TENM3: variants seen among roughly 807,000 people sequenced by gnomAD.
TENM3 encodes the protein teneurin-3.
TENM3 carries 63 observed loss-of-function variants against 255.1 expected under a neutral mutation model. That is an observed-to-expected ratio of 0.25 (90% CI 0.20 to 0.30). The LOEUF is 0.30. TENM3 is among the 10% of genes least tolerant of loss of function. The pLI, the probability that TENM3 is intolerant of heterozygous loss-of-function variation, is 1.00. For missense variants in TENM3, 2,929 were observed against 3,461.1 expected, an observed-to-expected ratio of 0.85 and a Z score of 3.86; for synonymous variants, 1,306 against 1,322.3, an observed-to-expected ratio of 0.99 and a Z score of 0.27.
the TENM3 span, among the ~76,000 whole-genome samples, chr4:181,613,705 T>C: frequency 7.9e-5 from 12 of 152,200 alleles, no homozygotes; most frequent in African/African-American, 2.9e-4. Flanking sequence ...AAGCTTAGAA[T>C]CATGTTGATT....
rs1417806386 is a variant in TENM3, at chr4:182,518,253, C to G, written c.512-82671C>G. ...AAGGTGACTGTGATAGGCAGAATTC[C>G]AAGATGGCCCCCAAGATTCCCACCC... On this transcript the variant is annotated intron_variant, in intron 3 of 27. Coordinates refer to ENST00000511685, the MANE Select transcript of TENM3 (RefSeq NM_001080477.4). 3.9e-5 allele frequency among the ~76,000 whole-genome samples: 6 copies of G among 151,932 alleles called. No individual in the cohort carries two copies. The South Asian group carries it at 1.2e-3, about 32-fold the overall frequency.
the TENM3 span, among the ~76,000 whole-genome samples, chr4:182,017,466 T>G: frequency 6.6e-6 from 1 of 152,236 alleles, no homozygotes; most frequent in East Asian, 1.9e-4. Context: ...ATATTATACT[T>G]GTATATAATG....
At chr4:182,342,772 G>A (rs763485895) in intron 2 of TENM3, among the ~76,000 whole-genome samples, 1 of 152,204 alleles carries the variant, frequency 6.6e-6, no homozygotes, top group East Asian at 1.9e-4. Context: ...GGGTGCTTTC[G>A]TCATCCTATG....
the TENM3 span, among the ~76,000 whole-genome samples, chr4:181,494,524 G>A: frequency 6.6e-6 from 1 of 152,056 alleles, no homozygotes; most frequent in African/African-American, 2.4e-5. Context: ...GACCTCAGGC[G>A]ATCCACCCGC....
chr4:181,923,827 T>C, the TENM3 span, among the ~76,000 whole-genome samples: 2 of 152,144 alleles, frequency 1.3e-5, no homozygotes, highest in Admixed American at 6.6e-5. Flanking sequence ...TAATTTTTAA[T>C]ATATGGAGGT....
At chr4:182,753,178 G>C (rs1057413940) in intron 20 of TENM3, among the ~76,000 whole-genome samples, 46 of 152,088 alleles carry the variant, frequency 3.0e-4, no homozygotes, top group African/African-American at 1.0e-3. Context: ...GAACTCCTGA[G>C]CTCAGGCAGT....
intron 1 of TENM3, among the ~76,000 whole-genome samples, chr4:182,216,868 C>G (rs1755504896): frequency 1.3e-5 from 2 of 152,102 alleles, no homozygotes; most frequent in African/African-American, 2.4e-5. Context: ...CAATGGCAGA[C>G]TTGCATTCTA....
At chr4:181,651,384 G>A in the TENM3 span, among the ~76,000 whole-genome samples, 1 of 152,268 alleles carries the variant, frequency 6.6e-6, no homozygotes, top group East Asian at 1.9e-4. Flanking sequence ...TGGATCACCT[G>A]AGGTCAGGAG....
chr4:181,618,630 A>G, the TENM3 span, among the ~76,000 whole-genome samples: 2 of 152,180 alleles, frequency 1.3e-5, no homozygotes, highest in African/African-American at 4.8e-5. Context: ...CATCCTACGA[A>G]TATTTTCATT....
At chr4:181,889,388 C>T in the TENM3 span, among the ~76,000 whole-genome samples, 6 of 152,154 alleles carry the variant, frequency 3.9e-5, no homozygotes, top group Non-Finnish European at 7.3e-5. Flanking sequence ...TCACCAGAAG[C>T]AGATGCTGGC....
At chr4:182,765,939 G>T (rs1763682956) in intron 22 of TENM3, among the ~76,000 whole-genome samples, 1 of 152,126 alleles carries the variant, frequency 6.6e-6, no homozygotes, top group Non-Finnish European at 1.5e-5. Context: ...TATGCATATT[G>T]CATATTGCAT....
the TENM3 span, among the ~76,000 whole-genome samples, chr4:182,105,466 A>G: frequency 3.7e-4 from 56 of 152,340 alleles, 1 homozygote; most frequent in African/African-American, 1.3e-3. Context: ...CATCAGTTTC[A>G]ATAATTTGCT....
At chr4:182,068,755 A>T in the TENM3 span, among the ~76,000 whole-genome samples, 1 of 152,136 alleles carries the variant, frequency 6.6e-6, no homozygotes, top group African/African-American at 2.4e-5. Context: ...ATTTCTGGTG[A>T]TGCATATTAA....
intron 3 of TENM3, among the ~76,000 whole-genome samples, chr4:182,433,442 T>C (rs911941729): frequency 6.6e-6 from 1 of 152,088 alleles, no homozygotes; most frequent in Non-Finnish European, 1.5e-5. Context: ...GAGGTAAACC[T>C]TGGAAGATGG....
intron 3 of TENM3, among the ~76,000 whole-genome samples, chr4:182,510,736 A>G (rs1737311892): frequency 6.6e-6 from 1 of 152,206 alleles, no homozygotes; most frequent in African/African-American, 2.4e-5. Flanking sequence ...TGTCTTAACC[A>G]TAAAGCTTCT....
chr4:182,745,600 C>G (rs1761951178), intron 19 of TENM3, among the ~76,000 whole-genome samples: 2 of 152,096 alleles, frequency 1.3e-5, no homozygotes. Context: ...GTAGAGGCTC[C>G]AGGAGATTAT....
chr4:182,100,293 C>T, the TENM3 span, among the ~76,000 whole-genome samples: 5 of 151,768 alleles, frequency 3.3e-5, no homozygotes, highest in African/African-American at 1.2e-4. Context: ...CTTCATGTCT[C>T]ATCCTTACCT....
chr4:182,296,353 A>G (rs1761497619), intron 1 of TENM3, among the ~76,000 whole-genome samples: 1 of 152,192 alleles, frequency 6.6e-6, no homozygotes, highest in Non-Finnish European at 1.5e-5. Context: ...ATCAAAGTTG[A>G]TCTTTCTTGA....
chr4:182,244,288 G>A (rs972749563), intron 1 of TENM3, among the ~76,000 whole-genome samples: 1 of 152,100 alleles, frequency 6.6e-6, no homozygotes, highest in Non-Finnish European at 1.5e-5. Context: ...ATAACCCAGG[G>A]TATTAGACCA....
Sources: allele counts gnomAD v4.1 joint callset (sites outside exome capture counted in the v4.1 genomes callset), GRCh38; gene constraint gnomAD v4.1.1; transcripts MANE v1.5; gene names NCBI Gene and HGNC (gene_info 2026-07-23, HGNC 2026-07-21).